The following ASIC2 variants were observed in gnomAD, a reference collection of about 807,000 sequenced individuals.
ASIC2 encodes acid-sensing ion channel 2.
Under a neutral mutation model 57.3 loss-of-function variants are expected in ASIC2, and 25 were observed. That is an observed-to-expected ratio of 0.44 (90% CI 0.32 to 0.61). The LOEUF is 0.61. ASIC2 is among the 20% of genes least tolerant of loss of function. ASIC2 has a pLI of 0.06. For missense variants in ASIC2, 641 were observed against 738.1 expected (o/e 0.87, Z 1.52); for synonymous variants, 319 against 307.5 (o/e 1.04, Z -0.39).
chr17:33,496,619 T>A (rs1049242983), intron 1 of ASIC2, among the ~76,000 whole-genome samples: 1 of 138,722 alleles, frequency 7.2e-6, no homozygotes, highest in African/African-American at 2.7e-5. Flanking sequence ...TTTTTTTTTT[T>A]TTTTTTTTTT....
chr17:34,129,571 T>C (rs1911891957), intron 1 of ASIC2, among the ~76,000 whole-genome samples: 1 of 152,158 alleles, frequency 6.6e-6, no homozygotes, highest in Admixed American at 6.5e-5. Context: ...TGTTAAAAGG[T>C]TCTTGGCTAA....
At chr17:33,972,408 AAAAC>A (rs952472968) in intron 1 of ASIC2, among the ~76,000 whole-genome samples, 1 of 152,234 alleles carries the variant, frequency 6.6e-6, no homozygotes, top group African/African-American at 2.4e-5. Context: ...CTTTAAAAAC[AAAAC>A]AAACAAAGGT....
intron 1 of ASIC2, among the ~76,000 whole-genome samples, chr17:33,755,689 CAGG>C (rs1390913309): frequency 3.9e-5 from 6 of 152,118 alleles, no homozygotes; most frequent in African/African-American, 1.4e-4. Flanking sequence ...AAGGAGTTTG[CAGG>C]AGAACAGGGA....
rs114746014 is a variant in ASIC2 at position 33,801,496 on chromosome 17, G to T, written c.555+354482C>A. ...GGTTTGGGTGGAGTCAGGGAGGTATGGATTCAAAGTCTGCCACTTGATATC... is the reference window on the plus strand; with the variant it reads ...GGTTTGGGTGGAGTCAGGGAGGTATTGATTCAAAGTCTGCCACTTGATATC... On this transcript the variant is annotated intron_variant, in intron 1 of 9. Transcript: ENST00000359872. 3.5e-3 allele frequency among the ~76,000 whole-genome samples: 527 copies of T among 152,228 alleles called. 4 individuals are homozygous for T. The highest frequency in any genetic ancestry group is 0.012 in the African/African-American group (504 of 41,528).
chr17:34,038,916 T>A (rs1907992859), intron 1 of ASIC2: 1 of 1,612,606 alleles, frequency 6.2e-7, no homozygotes, highest in Non-Finnish European at 8.5e-7. Flanking sequence ...TTGATAAGAT[T>A]CTGAAAAGCA....
chr17:33,521,502 C>A (rs1914740425), intron 1 of ASIC2, among the ~76,000 whole-genome samples: 1 of 152,116 alleles, frequency 6.6e-6, no homozygotes, highest in Non-Finnish European at 1.5e-5. Flanking sequence ...ACAGAAGTAG[C>A]CACATGACCA....
chr17:34,029,765 C>T (rs1907520847), intron 1 of ASIC2, among the ~76,000 whole-genome samples: 1 of 152,176 alleles, frequency 6.6e-6, no homozygotes, highest in Non-Finnish European at 1.5e-5. Context: ...AATCTGCTGG[C>T]ACCTTGATTT....
chr17:34,099,423 G>A (rs1316193276), intron 1 of ASIC2, among the ~76,000 whole-genome samples: 2 of 119,416 alleles, frequency 1.7e-5, no homozygotes, highest in East Asian at 2.4e-4. Flanking sequence ...AAGAAAGAAT[G>A]AAAGAAAGAA....
chr17:33,312,575 C>T lies in ASIC2; in HGVS notation c.556-200508G>A, dbSNP rs538406170. Among the ~76,000 whole-genome samples, 9 of 152,260 alleles carry T rather than the reference C, an allele frequency of 5.9e-5. No homozygotes were observed. The South Asian group carries it at 6.2e-4, about 11-fold the overall frequency. ...TGCTATGAGTAAGAAGAGGGATGAG[C>T]GGCAAGGGCTGCACCTACTTAGCTT... On this transcript the variant is annotated intron_variant, in intron 1 of 9. Coordinates refer to the ASIC2 transcript ENST00000359872.
intron 2 of ASIC2, among the ~76,000 whole-genome samples, chr17:33,092,177 A>G (rs2092160383): frequency 6.6e-6 from 1 of 152,218 alleles, no homozygotes; most frequent in Admixed American, 6.5e-5. Context: ...CCACGACCAT[A>G]GTTCCAGATC....
intron 1 of ASIC2, among the ~76,000 whole-genome samples, chr17:33,281,595 G>A (rs536905754): frequency 6.6e-6 from 1 of 152,314 alleles, no homozygotes; most frequent in Non-Finnish European, 1.5e-5. Flanking sequence ...TCGCAAATGA[G>A]GAAACAAAAG....
At chr17:33,480,339 G>T (rs999373019) in intron 1 of ASIC2, among the ~76,000 whole-genome samples, 1 of 152,118 alleles carries the variant, frequency 6.6e-6, no homozygotes, top group Non-Finnish European at 1.5e-5. Flanking sequence ...GATTTGGAGG[G>T]GTGGGGCTCA....
At chr17:34,147,217 A>C (rs9911097) in intron 1 of ASIC2, among the ~76,000 whole-genome samples, 14,941 of 152,160 alleles carry the variant, frequency 0.098, 788 homozygotes, top group Non-Finnish European at 0.11. Flanking sequence ...GAAACCACCT[A>C]ATTCCACCCC....
At chr17:34,146,175 G>C (rs1912412044) in intron 1 of ASIC2, among the ~76,000 whole-genome samples, 1 of 152,204 alleles carries the variant, frequency 6.6e-6, no homozygotes, top group Non-Finnish European at 1.5e-5. Context: ...CAATCAGAGA[G>C]ATGCTCATTT....
At chr17:34,006,593 T>A (rs1011865296) in intron 1 of ASIC2, 30 of 152,066 alleles carry the variant, frequency 2.0e-4, no homozygotes, top group African/African-American at 6.8e-4. Flanking sequence ...CTTAAGGTAT[T>A]TTCACTTATT....
At chr17:33,636,470 A>G (rs892706113) in intron 1 of ASIC2, among the ~76,000 whole-genome samples, 7 of 152,132 alleles carry the variant, frequency 4.6e-5, no homozygotes, top group Non-Finnish European at 1.0e-4. Flanking sequence ...GTTGTCCTGT[A>G]GAGAGCTAAC....
At chr17:33,621,716 G>T (rs886629053) in intron 1 of ASIC2, among the ~76,000 whole-genome samples, 1 of 152,192 alleles carries the variant, frequency 6.6e-6, no homozygotes, top group Non-Finnish European at 1.5e-5. Flanking sequence ...CAAAGATGCA[G>T]TTCCTGGGGG....
chr17:33,484,450 G>A (rs896363660), intron 1 of ASIC2, among the ~76,000 whole-genome samples: 1 of 152,098 alleles, frequency 6.6e-6, no homozygotes, highest in South Asian at 2.1e-4. Flanking sequence ...AGATAATTTT[G>A]TCTAGTAGCC....
intron 1 of ASIC2, among the ~76,000 whole-genome samples, chr17:33,472,156 A>G (rs1913074520): frequency 6.6e-6 from 1 of 151,884 alleles, no homozygotes; most frequent in Non-Finnish European, 1.5e-5. Context: ...AGTAGCTGGG[A>G]TTACAGGTGC....
Sources: gnomAD v4.1 joint callset for allele counts (sites outside exome capture counted in the v4.1 genomes callset) on GRCh38, gnomAD v4.1.1 for gene constraint, MANE v1.5 for transcripts, NCBI Gene and HGNC (gene_info 2026-07-23, HGNC 2026-07-21) for gene names.